The following NUP62 variants were observed in gnomAD, a reference collection of about 807,000 sequenced individuals.
The protein encoded by NUP62 is nucleoporin 62.
For missense variants in NUP62, 647 were observed against 689.4 expected, an observed-to-expected ratio of 0.94 and a Z score of 0.69; for synonymous variants, 305 against 303.4, an observed-to-expected ratio of 1.01 and a Z score of -0.05.
intron 2 of NUP62, among the ~76,000 whole-genome samples, chr19:49,925,449 CA>C (rs56199048): frequency 0.55 from 73,164 of 132,772 alleles, 19,027 homozygotes; most frequent in East Asian, 0.79. Context: ...TAAAAAAAGC[CA>C]AAAAAAAAAA....
chr19:49,911,754 TCCACTAAG>T (rs923665224), intron 2 of NUP62, among the ~76,000 whole-genome samples: 1 of 152,176 alleles, frequency 6.6e-6, no homozygotes, highest in African/African-American at 2.4e-5. Context: ...GGCTGTTAGC[TCCACTAAG>T]CCAGTCTCTC....
chr19:49,922,449 AC>A (rs1444218012), intron 2 of NUP62, among the ~76,000 whole-genome samples: 7 of 151,848 alleles, frequency 4.6e-5, no homozygotes, highest in African/African-American at 1.5e-4. Context: ...TTCACATGGG[AC>A]CGGGCTGTGT....
Position 49,914,726 on chromosome 19 carries a change from GTTTTTTTTTT to G in NUP62, c.-77-4852_-77-4843del, listed in dbSNP as rs530372497. On this transcript the variant is annotated intron_variant, in intron 2 of 2. Coordinates refer to ENST00000352066, the MANE Select transcript of NUP62 (RefSeq NM_016553.5). ...GATTCTTGTGCCACTCCAAGTCCCAGTTTTTTTTTTTTTTTTTTTTTTTTTTTTTTTGAGA... is the reference window on the plus strand; with the variant it reads ...GATTCTTGTGCCACTCCAAGTCCCAGTTTTTTTTTTTTTTTTTTTTTGAGA... 8.0e-3 allele frequency among the ~76,000 whole-genome samples: 453 copies of G among 56,356 alleles called. 3 individuals are homozygous for G. The highest frequency in any genetic ancestry group is 0.023 in the African/African-American group (361 of 15,412). The allele number at this position is 56,356 out of a possible 152,430, so 37.0% of individuals were successfully genotyped here.
intron 2 of NUP62, among the ~76,000 whole-genome samples, chr19:49,916,415 G>C (rs1246361474): frequency 6.7e-6 from 1 of 148,746 alleles, no homozygotes; most frequent in African/African-American, 2.5e-5. Flanking sequence ...GTGCAGTGGC[G>C]GGATCTTGGC....
At position 49,907,592 on chromosome 19, in the gene NUP62, A is replaced by G; in HGVS notation, c.*647T>C. On this transcript the variant is annotated 3_prime_UTR_variant, in exon 3 of 3. Coordinates refer to ENST00000352066, the MANE Select transcript of NUP62 (RefSeq NM_016553.5). ...GTCTCTGTTGCCTAGGCTGGAGTGC[A>G]GTGGTGTGATCTTGGTTCACTGCAA... 1 of 401,122 alleles carries G rather than the reference A, an allele frequency of 2.5e-6. No individual in the cohort carries two copies. The allele number at this position is 401,122 out of a possible 1,614,324, so 24.8% of individuals were successfully genotyped here. A position where few individuals can be genotyped will look rare whatever the true frequency, so the allele number is the denominator to read the frequency against.
chr19:49,912,725 C>T (rs1471013857), intron 2 of NUP62, among the ~76,000 whole-genome samples: 1 of 151,914 alleles, frequency 6.6e-6, no homozygotes, highest in Non-Finnish European at 1.5e-5. Context: ...AATGAGTTGG[C>T]CGTGGTGGCA....
chr19:49,916,625 G>A (rs1198161855), intron 2 of NUP62, among the ~76,000 whole-genome samples: 4 of 151,970 alleles, frequency 2.6e-5, no homozygotes, highest in Non-Finnish European at 4.4e-5. Flanking sequence ...TTAGCCAGGC[G>A]TGGTGGTGGG....
At chr19:49,923,075 C>CTT (rs34122194) in intron 2 of NUP62, among the ~76,000 whole-genome samples, 8 of 151,216 alleles carry the variant, frequency 5.3e-5, no homozygotes, top group African/African-American at 1.2e-4. Flanking sequence ...TGCTGTGTCC[C>CTT]TTTTTTTTTG....
chr19:49,912,720 G>C (rs1771551489), intron 2 of NUP62, among the ~76,000 whole-genome samples: 1 of 152,124 alleles, frequency 6.6e-6, no homozygotes, highest in Non-Finnish European at 1.5e-5. Flanking sequence ...ACAAAAATGA[G>C]TTGGCCGTGG....
rs780484739 is a variant in NUP62 at position 49,908,428 on chromosome 19, C to T, written c.1380G>A (p.Thr460=). The change falls in exon 3 of 3, where the codon ACG becomes ACA. Residue 460 remains threonine, a synonymous_variant. Transcript: ENST00000352066. ...CACTGGTGTCGGCGGGGGCCCCGGACGTGTTCAGGTGCTCGATGATGTCCT... is the reference window on the plus strand; with the variant it reads ...CACTGGTGTCGGCGGGGGCCCCGGATGTGTTCAGGTGCTCGATGATGTCCT... The part of the protein sequence containing the change: ...DLKDIIEHLN[T]SGAPADTSDP... 4.3e-6 allele frequency: 7 copies of T among 1,613,990 alleles called. No individual in the cohort carries two copies. In the African/African-American group the frequency reaches 5.3e-5, roughly 12 times the overall value.
intron 2 of NUP62, among the ~76,000 whole-genome samples, chr19:49,919,204 G>A (rs927145934): frequency 6.6e-6 from 1 of 152,158 alleles, no homozygotes; most frequent in African/African-American, 2.4e-5. Flanking sequence ...TCACATTGTT[G>A]TAGCTCAAAA....
At chr19:49,914,179 TACTAGAACTTGGGAAGTTTCTCACAA>T (rs1220722725) in intron 2 of NUP62, among the ~76,000 whole-genome samples, 1 of 152,080 alleles carries the variant, frequency 6.6e-6, no homozygotes, top group Admixed American at 6.5e-5. Context: ...AAGCCACAAA[TACTAGAACTTGGGAAGTTTCTCACAA>T]ATGCAAACTA....
intron 2 of NUP62, among the ~76,000 whole-genome samples, chr19:49,913,332 CTA>C (rs1172858770): frequency 6.6e-6 from 1 of 152,192 alleles, no homozygotes; most frequent in Non-Finnish European, 1.5e-5. Flanking sequence ...AGGAGAATCT[CTA>C]TGTTCTTGAA....
intron 2 of NUP62, among the ~76,000 whole-genome samples, chr19:49,916,075 A>G (rs1447379099): frequency 6.6e-6 from 1 of 152,256 alleles, no homozygotes; most frequent in Non-Finnish European, 1.5e-5. Flanking sequence ...ACTGCACTGC[A>G]GCACACCGAG....
At chr19:49,922,229 GCCT>G (rs1312528200) in intron 2 of NUP62, among the ~76,000 whole-genome samples, 2 of 152,162 alleles carry the variant, frequency 1.3e-5, no homozygotes, top group African/African-American at 4.8e-5. Flanking sequence ...TAGCCCAAAC[GCCT>G]CCTTATTGAG....
At chr19:49,912,467 C>A (rs1206993813) in intron 2 of NUP62, among the ~76,000 whole-genome samples, 1 of 152,172 alleles carries the variant, frequency 6.6e-6, no homozygotes, top group Non-Finnish European at 1.5e-5. Context: ...CTGCGCCCGG[C>A]CAACAGTTCA....
chr19:49,929,265 G>A (rs2076002845), intron 1 of NUP62, 61 bp downstream of exon 1: 1 of 153,504 alleles, frequency 6.5e-6, no homozygotes, highest in Non-Finnish European at 1.4e-5. Context: ...TGCCTGCGTA[G>A]CCCCGGCCAT....
intron 2 of NUP62, among the ~76,000 whole-genome samples, chr19:49,923,801 G>T (rs777546273): frequency 4.0e-4 from 61 of 152,256 alleles, no homozygotes; most frequent in Non-Finnish European, 7.9e-4. Flanking sequence ...CACAGAAGTG[G>T]TGGAGTTGGG....
chr19:49,919,740 A>T (rs2075718705), intron 2 of NUP62, among the ~76,000 whole-genome samples: 1 of 152,198 alleles, frequency 6.6e-6, no homozygotes, highest in Non-Finnish European at 1.5e-5. Flanking sequence ...ACAACCATGG[A>T]AAAGTTAGGA....
Sources: gnomAD v4.1 joint callset for allele counts (sites outside exome capture counted in the v4.1 genomes callset) on GRCh38, gnomAD v4.1.1 for gene constraint, MANE v1.5 for transcripts, NCBI Gene and HGNC (gene_info 2026-07-23, HGNC 2026-07-21) for gene names.